The following ZSWIM5 variants were observed in gnomAD, a reference collection of about 807,000 sequenced individuals.
The protein encoded by ZSWIM5 is zinc finger SWIM domain-containing protein 5.
Under a neutral mutation model 119.6 loss-of-function variants are expected in ZSWIM5, and 55 were observed. The ratio of observed to expected loss-of-function variants is 0.46; its 90% CI spans 0.37 to 0.58. The LOEUF (loss-of-function observed/expected upper bound fraction) is 0.58. Ranked by LOEUF, ZSWIM5 falls within the 20% of genes least tolerant of loss-of-function variation. The pLI is 0.00. For missense variants in ZSWIM5, 1,193 were observed against 1,512.8 expected (o/e 0.79, Z 3.51); for synonymous variants, 537 against 606.9 (o/e 0.88, Z 1.69).
chr1:45,188,619 G>C (rs1184229916), intron 1 of ZSWIM5, among the ~76,000 whole-genome samples: 2 of 152,202 alleles, frequency 1.3e-5, no homozygotes, highest in African/African-American at 4.8e-5. Context: ...AAAGATATTA[G>C]GTGGGGAAAA....
chr1:45,139,702 T>G, intron 1 of ZSWIM5, among the ~76,000 whole-genome samples: 1 of 142,208 alleles, frequency 7.0e-6, no homozygotes, highest in African/African-American at 2.6e-5. Flanking sequence ...CGATTTTTTT[T>G]TTTTTTTTTT....
chr1:45,194,634 T>C (rs999452984), intron 1 of ZSWIM5, among the ~76,000 whole-genome samples: 2 of 152,066 alleles, frequency 1.3e-5, no homozygotes, highest in Non-Finnish European at 2.9e-5. Context: ...TCCCAGCACT[T>C]TGGGAGGCCG....
At chr1:45,048,862 T>C (rs1219695958) in intron 5 of ZSWIM5, among the ~76,000 whole-genome samples, 1 of 152,218 alleles carries the variant, frequency 6.6e-6, no homozygotes, top group East Asian at 1.9e-4. Flanking sequence ...GGCTCATGCC[T>C]ATAATCCCAG....
Position 45,070,530 on chromosome 1 carries a change from T to G in ZSWIM5, c.953-10283A>C, listed in dbSNP as rs1217447060. 5.1e-6 allele frequency: 3 copies of G among 587,508 alleles called. No individual in the cohort carries two copies. The Admixed American group carries it at 1.0e-4, about 20-fold the overall frequency. The allele number at this position is 587,508 out of a possible 1,614,324, so 36.4% of individuals were successfully genotyped here. ...CATCAAATTTGTAATATTCATGATT[T>G]TTTTCTGTTCTTTGCATTTGTTTTT... On this transcript the variant is annotated intron_variant, in intron 2 of 13. Transcript: ENST00000359600.
intron 1 of ZSWIM5, among the ~76,000 whole-genome samples, chr1:45,202,732 A>ATT (rs1268013520): frequency 6.6e-6 from 1 of 151,946 alleles, no homozygotes; most frequent in Admixed American, 6.6e-5. Context: ...AAAACTGTTA[A>ATT]TTTTTTTTCC....
At chr1:45,102,029 T>TA (rs1404170806) in intron 1 of ZSWIM5, among the ~76,000 whole-genome samples, 7 of 135,626 alleles carry the variant, frequency 5.2e-5, no homozygotes, top group African/African-American at 2.4e-4. Flanking sequence ...CCCTAGAACT[T>TA]AAAGTATAAT....
chr1:45,154,384 T>C (rs780902019), intron 1 of ZSWIM5, among the ~76,000 whole-genome samples: 3 of 152,100 alleles, frequency 2.0e-5, no homozygotes, highest in Middle Eastern at 3.2e-3. Flanking sequence ...GGTGCTGGTA[T>C]AAAAATAGGC....
Position 45,043,050 on chromosome 1 carries a change from T to C in ZSWIM5, c.1609+169A>G, listed in dbSNP as rs61559471. On this transcript the variant is annotated intron_variant, in intron 6 of 13. Transcript: ENST00000359600. ...TTGCTGTATCACAACTGAGTATACA[T>C]GCAAATGGCTTAGGCTTCACATAAA... Among the ~76,000 whole-genome samples, 703 of 152,296 alleles carry C rather than the reference T, an allele frequency of 4.6e-3. 4 individuals carry two copies. Among genetic ancestry groups the C allele is most frequent in the African/African-American group, 0.015 (617 of 41,560 alleles).
At chr1:45,082,100 G>A (rs1355498310) in intron 2 of ZSWIM5, among the ~76,000 whole-genome samples, 1 of 152,072 alleles carries the variant, frequency 6.6e-6, no homozygotes, top group Admixed American at 6.5e-5. Context: ...GATGCAAGAT[G>A]TGCTTTGTTA....
At chr1:45,115,657 T>G (rs575076209) in intron 1 of ZSWIM5, among the ~76,000 whole-genome samples, 2,581 of 73,854 alleles carry the variant, frequency 0.035, 70 homozygotes, top group African/African-American at 0.11. Context: ...CCCAGGCTGG[T>G]CGGCCAGGCA....
intron 1 of ZSWIM5, among the ~76,000 whole-genome samples, chr1:45,186,485 C>A (rs1217846324): frequency 6.6e-6 from 1 of 151,696 alleles, no homozygotes; most frequent in African/African-American, 2.4e-5. Flanking sequence ...AAGGAAGAGG[C>A]TGTGAGCCAC....
chr1:45,176,215 A>G (rs1379383036), intron 1 of ZSWIM5, among the ~76,000 whole-genome samples: 1 of 151,158 alleles, frequency 6.6e-6, no homozygotes, highest in African/African-American at 2.4e-5. Context: ...TCCAATTACA[A>G]TCCAAAACCC....
intron 1 of ZSWIM5, among the ~76,000 whole-genome samples, chr1:45,110,147 G>T (rs1645508259): frequency 6.6e-6 from 1 of 152,184 alleles, no homozygotes; most frequent in African/African-American, 2.4e-5. Flanking sequence ...GATTATAGAT[G>T]TGAGCCACCA....
Position 45,088,092 on chromosome 1 carries a change from A to G in ZSWIM5, c.741T>C (p.His247=), listed in dbSNP as rs1645342480. 1 of 1,614,240 alleles carries G rather than the reference A, an allele frequency of 6.2e-7. No individual in the cohort carries two copies. The highest frequency in any genetic ancestry group is 2.2e-5 in the East Asian group (1 of 44,888). Reference sequence around the variant, plus strand: ...TCCTGTAGAGTGAGAGTGCTACCACATGGGCACAGTAGAATATGTCCTTGT... The same window carrying G: ...TCCTGTAGAGTGAGAGTGCTACCACGTGGGCACAGTAGAATATGTCCTTGT... ...CGNKDIFYCA[H]VVALSLYRIR... The change falls in exon 2 of 14, where the codon CAT becomes CAC. Residue 247 remains histidine (H), a synonymous_variant. Coordinates refer to ENST00000359600, the MANE Select transcript of ZSWIM5 (RefSeq NM_020883.2). The surrounding 1 kb of genome is among the most constrained non-coding windows in gnomAD (Gnocchi z 4.2).
chr1:45,110,311 G>T (rs984018580), intron 1 of ZSWIM5, among the ~76,000 whole-genome samples: 3 of 152,188 alleles, frequency 2.0e-5, no homozygotes, highest in African/African-American at 7.2e-5. Flanking sequence ...GCCTTCTTCT[G>T]TGAGTTATAA....
intron 11 of ZSWIM5, among the ~76,000 whole-genome samples, chr1:45,024,214 G>A (rs189977288): frequency 7.7e-4 from 112 of 145,844 alleles, no homozygotes; most frequent in African/African-American, 2.5e-3. Context: ...TTTTGAGACG[G>A]AGTCTCGGTC....
At chr1:45,139,085 C>T (rs1645708534) in intron 1 of ZSWIM5, among the ~76,000 whole-genome samples, 3 of 151,714 alleles carry the variant, frequency 2.0e-5, no homozygotes, top group African/African-American at 7.3e-5. Flanking sequence ...GTTCACCACA[C>T]TGGCCAGGCT....
rs769296201 is a variant in ZSWIM5, at chr1:45,032,800, T to C, written c.2449+1512A>G. ...CCGTGCCTGGCCTGATAATTTTTTT[T>C]TTTTTTAAAGTACTTTAAGGGTTTT... On this transcript the variant is annotated intron_variant, in intron 11 of 13. Transcript: ENST00000359600. Among the ~76,000 whole-genome samples the C allele has an allele frequency of 1.5e-3, 235 of 152,206 alleles. 3 individuals carry two copies. Among genetic ancestry groups the C allele is most frequent in the Non-Finnish European group, 2.4e-3 (164 of 68,012 alleles).
intron 4 of ZSWIM5, among the ~76,000 whole-genome samples, chr1:45,053,254 A>G (rs1380706467): frequency 6.6e-6 from 1 of 152,136 alleles, no homozygotes; most frequent in Non-Finnish European, 1.5e-5. Flanking sequence ...AGATTTTCAT[A>G]TTTAATCTTC....
Sources: allele counts gnomAD v4.1 joint callset (sites outside exome capture counted in the v4.1 genomes callset), GRCh38; gene constraint gnomAD v4.1.1; non-coding constraint Gnocchi (gnomAD v3.1); transcripts MANE v1.5; gene names NCBI Gene and HGNC (gene_info 2026-07-23, HGNC 2026-07-21).